CDC42BPA: variants seen among roughly 807,000 people sequenced by gnomAD.
The protein encoded by CDC42BPA is CDC42 binding protein kinase alpha, also known as serine/threonine-protein kinase MRCK alpha.
Under a neutral mutation model 223.5 loss-of-function variants are expected in CDC42BPA, and 80 were observed. That is an observed-to-expected ratio of 0.36 (90% CI 0.30 to 0.43). CDC42BPA has a LOEUF of 0.43. Ranked by LOEUF, CDC42BPA falls within the 20% of genes least tolerant of loss-of-function variation. CDC42BPA has a pLI of 1.00. For missense variants in CDC42BPA, 1,743 were observed against 2,099.9 expected, an observed-to-expected ratio of 0.83 and a Z score of 3.32; for synonymous variants, 694 against 718.6, an observed-to-expected ratio of 0.97 and a Z score of 0.55.
At chr1:227,181,607 T>C (rs1667949131) in intron 5 of CDC42BPA, among the ~76,000 whole-genome samples, 1 of 152,210 alleles carries the variant, frequency 6.6e-6, no homozygotes, top group Non-Finnish European at 1.5e-5. Context: ...CCTGTTTTGG[T>C]TGTCGCTTAC....
At chr1:227,301,780 CCTA>C (rs550864192) in intron 1 of CDC42BPA, among the ~76,000 whole-genome samples, 53 of 152,222 alleles carry the variant, frequency 3.5e-4, no homozygotes, top group East Asian at 1.5e-3. Context: ...ACGCCCCGTA[CCTA>C]CTATCACTTC....
chr1:227,015,977 T>C, intron 34 of CDC42BPA, 103 bp downstream of exon 34: 2 of 682,444 alleles, frequency 2.9e-6, no homozygotes, highest in Admixed American at 2.4e-5. Context: ...CATTTCCTCA[T>C]TACTTTCACA....
intron 3 of CDC42BPA, among the ~76,000 whole-genome samples, chr1:227,200,968 T>A (rs1166570601): frequency 6.6e-6 from 1 of 152,200 alleles, no homozygotes. Context: ...TATATACACT[T>A]ACTGGACACC....
rs578246306 is a variant in CDC42BPA, at chr1:227,233,029, G to A, written c.271-19810C>T. Among the ~76,000 whole-genome samples the A allele has an allele frequency of 1.4e-4, 21 of 152,288 alleles. No individual in the cohort carries two copies. The South Asian group carries it at 1.9e-3, about 14-fold the overall frequency. Reference sequence around the variant, plus strand: ...TCAGACTGCTGTGCTAGCAGTGAGCGAGGCTCCATGGGCGTGGGACCCTCC... The same window carrying A: ...TCAGACTGCTGTGCTAGCAGTGAGCAAGGCTCCATGGGCGTGGGACCCTCC... On this transcript the variant is annotated intron_variant, in intron 2 of 36. Coordinates refer to ENST00000366766, the MANE Select transcript of CDC42BPA (RefSeq NM_001394014.1).
chr1:227,112,052 T>A (rs1265177926), intron 14 of CDC42BPA: 1 of 289,908 alleles, frequency 3.4e-6, no homozygotes, highest in Non-Finnish European at 6.3e-6. Flanking sequence ...TACCAGTACA[T>A]CTTGTGTAGG....
At chr1:227,105,196 T>C (rs1192503507) in intron 14 of CDC42BPA, among the ~76,000 whole-genome samples, 1 of 152,086 alleles carries the variant, frequency 6.6e-6, no homozygotes, top group African/African-American at 2.4e-5. Context: ...ATTAATTACA[T>C]TTGCAATGCT....
chr1:227,253,836 T>C (rs1401614281), intron 2 of CDC42BPA, among the ~76,000 whole-genome samples: 1 of 152,178 alleles, frequency 6.6e-6, no homozygotes, highest in Admixed American at 6.5e-5. Flanking sequence ...ATGAAGTACA[T>C]GTGAAAACAT....
intron 1 of CDC42BPA, among the ~76,000 whole-genome samples, chr1:227,302,700 T>TC (rs1358029835): frequency 2.0e-5 from 3 of 152,144 alleles, no homozygotes; most frequent in Non-Finnish European, 1.5e-5. Flanking sequence ...ATGATTTTTT[T>TC]CCCCCTCTGT....
At chr1:227,160,367 T>C (rs1221823033) in intron 6 of CDC42BPA, among the ~76,000 whole-genome samples, 176 bp downstream of exon 6, 1 of 152,182 alleles carries the variant, frequency 6.6e-6, no homozygotes. Flanking sequence ...TGTGACTTTT[T>C]AGACAACCCC....
chr1:226,994,178 G>A lies in CDC42BPA; in HGVS notation c.*90C>T, dbSNP rs1395272314. 3 of 1,349,824 alleles carry A rather than the reference G, an allele frequency of 2.2e-6. No homozygotes were observed. The East Asian group carries it at 7.8e-5, about 35-fold the overall frequency. 83.6% of individuals were successfully genotyped at this position (1,349,824 alleles called of 1,614,324 possible). A position where few individuals can be genotyped will look rare whatever the true frequency, so the allele number is the denominator to read the frequency against. ...GCTGCCAGCCCCTGGTGGCTTTCAG[G>A]CCGAGCAGGCGAGGTGGAGGGAAGA... On this transcript the variant is annotated 3_prime_UTR_variant, in exon 37 of 37. Transcript: ENST00000366766. The surrounding 1 kb of genome is among the most constrained non-coding windows in gnomAD (Gnocchi z 4.0).
intron 1 of CDC42BPA, among the ~76,000 whole-genome samples, chr1:227,266,498 CG>C (rs1685025946): frequency 6.6e-6 from 1 of 152,122 alleles, no homozygotes; most frequent in African/African-American, 2.4e-5. Flanking sequence ...CTTGTGTTTT[CG>C]ATCACTGTTA....
chr1:227,305,565 A>G (rs1692394364), intron 1 of CDC42BPA, among the ~76,000 whole-genome samples: 1 of 152,218 alleles, frequency 6.6e-6, no homozygotes, highest in African/African-American at 2.4e-5. Flanking sequence ...ATTCTTATTA[A>G]GCTGACTTTA....
chr1:227,126,696 T>C (rs1689722928), intron 11 of CDC42BPA, among the ~76,000 whole-genome samples: 1 of 152,180 alleles, frequency 6.6e-6, no homozygotes, highest in Non-Finnish European at 1.5e-5. Context: ...TACTTTAAAA[T>C]CAACCAATGT....
chr1:227,133,107 G>A (rs75185901), intron 10 of CDC42BPA, among the ~76,000 whole-genome samples: 2 of 144,004 alleles, frequency 1.4e-5, no homozygotes, highest in Admixed American at 6.8e-5. Flanking sequence ...CCCCCCGCCC[G>A]GCCAGCCGCC....
intron 2 of CDC42BPA, among the ~76,000 whole-genome samples, chr1:227,216,478 AGT>A (rs1674875630): frequency 6.6e-6 from 1 of 152,220 alleles, no homozygotes; most frequent in Non-Finnish European, 1.5e-5. Context: ...GAATAAGGTG[AGT>A]GTGGTGAAAT....
chr1:227,150,861 A>C (rs949653126), intron 6 of CDC42BPA, among the ~76,000 whole-genome samples: 15 of 108,536 alleles, frequency 1.4e-4, no homozygotes, highest in African/African-American at 4.7e-4. Context: ...CCCTGAAAAA[A>C]AAAAAAAGAA....
chr1:227,202,760 CAAAAAA>C (rs35609906), intron 3 of CDC42BPA, among the ~76,000 whole-genome samples: 2 of 114,424 alleles, frequency 1.7e-5, no homozygotes, highest in Non-Finnish European at 1.8e-5. Flanking sequence ...TCTCTACAGG[CAAAAAA>C]AAAAAAAAAA....
chr1:227,052,250 C>A (rs1313075236), intron 21 of CDC42BPA, among the ~76,000 whole-genome samples: 1 of 152,200 alleles, frequency 6.6e-6, no homozygotes, highest in African/African-American at 2.4e-5. Flanking sequence ...GAGCCCTGGT[C>A]CTACTGCACA....
At chr1:227,192,386 G>A (rs894407231) in intron 5 of CDC42BPA, among the ~76,000 whole-genome samples, 10 of 152,038 alleles carry the variant, frequency 6.6e-5, no homozygotes, top group African/African-American at 1.4e-4. Flanking sequence ...TCCCCAGCCC[G>A]ACCCAACCCA....
Sources: gnomAD v4.1 joint callset for allele counts (sites outside exome capture counted in the v4.1 genomes callset) on GRCh38, gnomAD v4.1.1 for gene constraint, Gnocchi (gnomAD v3.1) non-coding constraint, MANE v1.5 for transcripts, NCBI Gene and HGNC (gene_info 2026-07-23, HGNC 2026-07-21) for gene names.